Variants in NEB observed in about 807,000 individuals in gnomAD.
The protein encoded by NEB is nebulin.
In NEB, 512 loss-of-function variants were observed where a neutral mutation model predicts 952.2. That is an observed-to-expected ratio of 0.54 (90% CI 0.50 to 0.58). The LOEUF is 0.58. Among genes scored for constraint, NEB ranks in the 20% least tolerant of loss-of-function variants. The pLI is 0.00. For missense variants in NEB, 8,428 were observed against 9,231.1 expected (o/e 0.91, Z 3.56); for synonymous variants, 2,900 against 3,149.8 (o/e 0.92, Z 2.66).
chr2:151,519,219 C>T (rs1163973367), intron 154 of NEB, 150 bp from the exon 155 acceptor site: 4 of 658,846 alleles, frequency 6.1e-6, no homozygotes, highest in African/African-American at 1.8e-5. Context: ...AAGGCAGAAA[C>T]AACCCAAGTG....
At position 151,614,597 on chromosome 2, in the gene NEB, T is replaced by G; in HGVS notation, c.11290-10A>C. 6.2e-7 allele frequency: 1 copy of G among 1,608,086 alleles called. No homozygotes were observed. The highest frequency in any genetic ancestry group is 8.5e-7 in the Non-Finnish European group (1 of 1,175,208). ...CTTCCTTGTACTTGTACTAAAAAAA[T>G]AGAGATATGAGTATAATGACAAGAA... On this transcript the variant is annotated splice_polypyrimidine_tract_variant and intron_variant, in intron 76 of 181. Coordinates refer to ENST00000397345, the MANE Select transcript of NEB (RefSeq NM_001164508.2).
intron 138 of NEB, among the ~76,000 whole-genome samples, chr2:151,538,914 T>C (rs902787625): frequency 1.3e-5 from 2 of 152,228 alleles, no homozygotes; most frequent in African/African-American, 2.4e-5. Context: ...CAAACAGTTC[T>C]TTTCTTTTGG....
chr2:151,665,424 T>C lies in NEB; in HGVS notation c.5147A>G (p.Tyr1716Cys). The C allele has an allele frequency of 6.2e-7, 1 of 1,613,808 alleles. No homozygotes were observed. Among genetic ancestry groups the C allele is most frequent in the Admixed American group, 1.7e-5 (1 of 59,976 alleles). The change falls in exon 42 of 182, where the codon TAT becomes TGT. Residue 1716 changes from tyrosine to cysteine, a missense_variant. Coordinates refer to ENST00000397345, the MANE Select transcript of NEB (RefSeq NM_001164508.2). ...KAGEILSEKK[Y>C]RQHPEKLKFT... is the part of the protein sequence containing the mutation. ...CTTCAGCTTCTCGGGGTGCTGGCGATACTTCTTCTCACTAAGAATCTCTCC... is the reference window on the plus strand; with the variant it reads ...CTTCAGCTTCTCGGGGTGCTGGCGACACTTCTTCTCACTAAGAATCTCTCC...
At chr2:151,711,567 TA>T (rs2099745393) in intron 10 of NEB, among the ~76,000 whole-genome samples, 1 of 152,174 alleles carries the variant, frequency 6.6e-6, no homozygotes, top group Admixed American at 6.5e-5. Context: ...AATATGTAAA[TA>T]AATAGCCAAC....
intron 24 of NEB, 51 bp downstream of exon 24, chr2:151,690,676 A>G: frequency 1.5e-6 from 2 of 1,308,614 alleles, no homozygotes; most frequent in Non-Finnish European, 2.2e-6. Flanking sequence ...TACATTTTAA[A>G]TGAGCAAAGC....
chr2:151,505,088 A>G (rs1037953340), intron 165 of NEB, among the ~76,000 whole-genome samples: 5 of 152,162 alleles, frequency 3.3e-5, no homozygotes, highest in African/African-American at 1.2e-4. Flanking sequence ...TATACACAAA[A>G]CCAAAGTATG....
Position 151,639,291 on chromosome 2 carries a change from T to C in NEB, c.8983A>G (p.Asn2995Asp). The change falls in exon 63 of 182, where the codon AAC becomes GAC. Residue 2995 changes from asparagine to aspartate, a missense_variant. By Grantham distance (23) the Asn-to-Asp change is conservative. This residue lies in a region of NEB where 1,772 missense variants were observed against 1,960.3 expected (regional missense o/e 0.90). Coordinates refer to ENST00000397345, the MANE Select transcript of NEB (RefSeq NM_001164508.2). The stretch of plus-strand genomic sequence containing the variant: ...GAATCTGCTCTCACCTCACTGTAGT[T>C]GATTTTGTTCATTCTTGCCAACATA... Reference protein sequence around the residue: ...EIMLARMNKINYSESLYKLAN... With the variant: ...EIMLARMNKIDYSESLYKLAN... The C allele has an allele frequency of 6.5e-7, 1 of 1,540,028 alleles. No individual in the cohort carries two copies. Among genetic ancestry groups the C allele is most frequent in the Non-Finnish European group, 8.7e-7 (1 of 1,145,512 alleles).
chr2:151,698,720 C>T (rs1409018271), intron 13 of NEB, among the ~76,000 whole-genome samples: 2 of 150,346 alleles, frequency 1.3e-5, no homozygotes, highest in Non-Finnish European at 3.0e-5. Context: ...TCACTGCAAG[C>T]TCTGCCTCCT....
At position 151,650,590 on chromosome 2, in the gene NEB, T is replaced by C. The variant is rs769948870; in HGVS notation, c.7211A>G (p.Tyr2404Cys). ...QNDVVQAKKV[Y>C]ELQSENLYKS... ...GAAACTGACCTCACTTTGCAGTTCA[T>C]AAACTTTCTTAGCTTGCACAACATC... Residue 2404 changes from tyrosine (Y) to cysteine (C), a missense_variant, in exon 53 of 182, where the codon TAT becomes TGT. Physicochemically the swap from Tyr to Cys is radical, Grantham distance 194. Around this residue, in one of 11 missense-constraint regions of NEB, gnomAD observed 1,772 missense variants for 1,960.3 expected, o/e 0.90. Transcript: ENST00000397345. The C allele has an allele frequency of 1.2e-5, 19 of 1,577,282 alleles. No individual in the cohort carries two copies. Among genetic ancestry groups the C allele is most frequent in the Non-Finnish European group, 1.5e-5 (18 of 1,163,122 alleles).
intron 73 of NEB, 83 bp downstream of exon 73, chr2:151,619,368 G>T: frequency 7.7e-7 from 1 of 1,304,216 alleles, no homozygotes; most frequent in Non-Finnish European, 1.1e-6. Flanking sequence ...CAAACAAATT[G>T]CAGTTCATTG....
At chr2:151,616,342 T>C (rs2098193766) in intron 75 of NEB, among the ~76,000 whole-genome samples, 1 of 151,676 alleles carries the variant, frequency 6.6e-6, no homozygotes, top group Admixed American at 6.6e-5. Flanking sequence ...GGGGAAAAAA[T>C]CAACATTTGG....
intron 1 of NEB, among the ~76,000 whole-genome samples, chr2:151,734,193 T>C (rs145232072): frequency 4.8e-4 from 73 of 152,202 alleles, no homozygotes; most frequent in African/African-American, 1.4e-3. Flanking sequence ...AATAAATTGG[T>C]TAGCAAAGGA....
chr2:151,562,563 C>G, intron 120 of NEB, 48 bp downstream of exon 120: 1 of 1,466,700 alleles, frequency 6.8e-7, no homozygotes, highest in Non-Finnish European at 9.2e-7. Flanking sequence ...AGCCAAGACA[C>G]AGTCATGGAA....
chr2:151,558,691 C>A (rs559979682), intron 124 of NEB, among the ~76,000 whole-genome samples: 1 of 152,072 alleles, frequency 6.6e-6, no homozygotes, highest in Non-Finnish European at 1.5e-5. Flanking sequence ...CAAAAACAAG[C>A]GATGGGGAGA....
At chr2:151,638,807 CTGTGTGTGTGTG>C (rs71996133) in intron 63 of NEB, among the ~76,000 whole-genome samples, 4 of 147,846 alleles carry the variant, frequency 2.7e-5, no homozygotes, top group African/African-American at 9.9e-5. Flanking sequence ...TTCTCTCTCT[CTGTGTGTGTGTG>C]TGTGTGTGTG....
intron 51 of NEB, 45 bp downstream of exon 51, chr2:151,655,225 T>C (rs1388175222): frequency 2.7e-6 from 3 of 1,110,422 alleles, no homozygotes; most frequent in South Asian, 2.9e-5. Flanking sequence ...TATAAGTTCA[T>C]AAGTTTCAAT....
chr2:151,639,467 A>G (rs193127495), intron 62 of NEB, 83 bp from the exon 63 acceptor site: 16 of 950,498 alleles, frequency 1.7e-5, no homozygotes, highest in South Asian at 1.2e-4. Flanking sequence ...AAAACTTTAT[A>G]AAAAAAAAGA....
intron 5 of NEB, among the ~76,000 whole-genome samples, chr2:151,726,180 C>T (rs2150833048): frequency 6.6e-6 from 1 of 152,252 alleles, no homozygotes; most frequent in Middle Eastern, 3.4e-3. Context: ...TGGTTACTAA[C>T]CACTTAAAAA....
chr2:151,620,827 A>T (rs2098401066), intron 72 of NEB, 92 bp downstream of exon 72: 6 of 955,192 alleles, frequency 6.3e-6, no homozygotes, highest in Admixed American at 4.5e-5. Context: ...CACTGAAGGG[A>T]GTTAAGGTGG....
Sources: gnomAD v4.1 joint callset for allele counts (sites outside exome capture counted in the v4.1 genomes callset) on GRCh38, gnomAD v4.1.1 for gene constraint, gnomAD v4.1.1 regional missense constraint, MANE v1.5 for transcripts, NCBI Gene and HGNC (gene_info 2026-07-23, HGNC 2026-07-21) for gene names.